The following SETDB2 variants were observed in gnomAD, a reference collection of about 807,000 sequenced individuals.
SETDB2 encodes histone-lysine N-methyltransferase SETDB2.
A neutral mutation model predicts 82.5 loss-of-function variants in SETDB2; 56 were observed. The observed-to-expected ratio is 0.68, with a 90% CI of 0.55 to 0.85. SETDB2 has a LOEUF of 0.85. SETDB2 is among the 40% of genes least tolerant of loss of function. The pLI, the probability that SETDB2 is intolerant of heterozygous loss-of-function variation, is 0.00. For synonymous variants in SETDB2, 272 were observed against 284.9 expected, an observed-to-expected ratio of 0.95 and a Z score of 0.46; for missense variants, 677 against 816.4, an observed-to-expected ratio of 0.83 and a Z score of 2.08.
intron 4 of SETDB2, among the ~76,000 whole-genome samples, chr13:49,466,811 CT>C (rs3039228): frequency 0.048 from 5,645 of 116,644 alleles, 159 homozygotes; most frequent in South Asian, 0.12. Flanking sequence ...GCCTGGCTAA[CT>C]TTTTTTTTTT....
intron 1 of SETDB2, among the ~76,000 whole-genome samples, chr13:49,448,648 T>C (rs1009488184): frequency 2.6e-5 from 4 of 152,206 alleles, no homozygotes; most frequent in African/African-American, 4.8e-5. Context: ...AACAGTCTTT[T>C]GGAATTTGTT....
At chr13:49,463,358 G>A (rs1272027211) in intron 4 of SETDB2, among the ~76,000 whole-genome samples, 1 of 152,116 alleles carries the variant, frequency 6.6e-6, no homozygotes, top group African/African-American at 2.4e-5. Flanking sequence ...AGGAGGACCA[G>A]AGAGACCTTC....
intron 2 of SETDB2, among the ~76,000 whole-genome samples, chr13:49,454,528 C>T (rs1233751124): frequency 6.6e-6 from 1 of 152,186 alleles, no homozygotes; most frequent in African/African-American, 2.4e-5. Flanking sequence ...TTTTTACAGA[C>T]TCCACTCATT....
In SETDB2 at chr13:49,459,901, A is replaced by G. The variant is rs533363923; in HGVS notation, c.17-206A>G. On this transcript the variant is annotated intron_variant, in intron 2 of 13. Transcript: ENST00000611815. ...ATTTTCAATATATATTTTAAAAATT[A>G]ACAGAAATGGGTAAGATACTTAGAT... 20 of 432,372 alleles carry G rather than the reference A, an allele frequency of 4.6e-5. 2 individuals carry two copies. In the South Asian group the frequency reaches 8.4e-4, roughly 18 times the overall value. 26.8% of individuals were successfully genotyped at this position (432,372 alleles called of 1,614,324 possible).
rs11619265 is a variant in SETDB2, at chr13:49,483,497, A to G, written c.1416A>G (p.Gln472=). Residue 472 remains glutamine (Q), a synonymous_variant, in exon 10 of 14, where the codon CAA becomes CAG. Coordinates refer to ENST00000611815, the MANE Select transcript of SETDB2 (RefSeq NM_001160308.3). The part of the protein sequence containing the change: ...ETKYDNISRI[Q]YHSVIRDPES... ...AATATGATAATATTTCAAGAATTCAATATCATTCAGTTATTAGAGATCCTG... is the reference window on the plus strand; with the variant it reads ...AATATGATAATATTTCAAGAATTCAGTATCATTCAGTTATTAGAGATCCTG... The G allele has an allele frequency of 0.53, 757,832 of 1,438,040 alleles. 203,048 individuals are homozygous for G. The highest frequency in any genetic ancestry group is 0.54 in the Non-Finnish European group (578,368 of 1,064,612). The allele number at this position is 1,438,040 out of a possible 1,614,324, so 89.1% of individuals were successfully genotyped here.
chr13:49,483,820 A>G (rs1195347152), intron 10 of SETDB2, among the ~76,000 whole-genome samples: 1 of 151,418 alleles, frequency 6.6e-6, no homozygotes, highest in Non-Finnish European at 1.5e-5. Flanking sequence ...GGGTCTCACT[A>G]TATTGCCCAG....
At chr13:49,448,815 T>C (rs1468696404) in intron 1 of SETDB2, among the ~76,000 whole-genome samples, 1 of 152,232 alleles carries the variant, frequency 6.6e-6, no homozygotes, top group Non-Finnish European at 1.5e-5. Context: ...TTACCCACTT[T>C]ATCTCAGTTC....
At chr13:49,460,278 C>G in intron 3 of SETDB2, 46 bp downstream of exon 3, 1 of 1,578,524 alleles carries the variant, frequency 6.3e-7, no homozygotes, top group Non-Finnish European at 8.6e-7. Context: ...CTAAATATTT[C>G]TCTCTGACAG....
At chr13:49,448,627 T>A (rs1297880418) in intron 1 of SETDB2, among the ~76,000 whole-genome samples, 3 of 152,202 alleles carry the variant, frequency 2.0e-5, no homozygotes, top group African/African-American at 7.2e-5. Context: ...TCAGTGACTA[T>A]GCTCTGTGTA....
In SETDB2 at chr13:49,485,192, G is replaced by A. The variant is rs1210716546; in HGVS notation, c.1483-438G>A. On this transcript the variant is annotated intron_variant, in intron 10 of 13. Coordinates refer to ENST00000611815, the MANE Select transcript of SETDB2 (RefSeq NM_001160308.3). ...ATCATTACTACTTAAAGTGACTGCAGTGTCTACAATGTGTAAGCATTATCA... is the reference window on the plus strand; with the variant it reads ...ATCATTACTACTTAAAGTGACTGCAATGTCTACAATGTGTAAGCATTATCA... Among the ~76,000 whole-genome samples, 4 of 152,338 alleles carry A rather than the reference G, an allele frequency of 2.6e-5. No individual in the cohort carries two copies. In the East Asian group the frequency reaches 7.7e-4, roughly 29 times the overall value.
chr13:49,484,373 G>T (rs1011250010), intron 10 of SETDB2, among the ~76,000 whole-genome samples: 1 of 152,144 alleles, frequency 6.6e-6, no homozygotes, highest in Non-Finnish European at 1.5e-5. Flanking sequence ...GGGTTCAAGC[G>T]ATTCCCCTGC....
chr13:49,462,878 C>T (rs964496625), intron 4 of SETDB2, among the ~76,000 whole-genome samples: 3 of 152,144 alleles, frequency 2.0e-5, no homozygotes, highest in African/African-American at 7.2e-5. Context: ...CTTCCTTTCA[C>T]AGTATCCTTC....
At chr13:49,473,852 G>C (rs555712164) in intron 5 of SETDB2, among the ~76,000 whole-genome samples, 59 of 152,248 alleles carry the variant, frequency 3.9e-4, no homozygotes, top group African/African-American at 1.3e-3. Context: ...CCAGAGTTCA[G>C]GTTATACCAT....
At chr13:49,482,586 G>T in intron 8 of SETDB2, 151 bp from the exon 9 acceptor site, 1 of 592,054 alleles carries the variant, frequency 1.7e-6, no homozygotes, top group Non-Finnish European at 2.8e-6. Context: ...ATTGGTCTTT[G>T]TCTTGCAACA....
At chr13:49,449,079 TG>T (rs1957742899) in intron 1 of SETDB2, among the ~76,000 whole-genome samples, 1 of 152,236 alleles carries the variant, frequency 6.6e-6, no homozygotes, top group Admixed American at 6.5e-5. Flanking sequence ...TGACATTTTG[TG>T]TAATTTAAGT....
rs1958377125 is a variant in SETDB2, at chr13:49,476,886, A to C, written c.716A>C (p.Glu239Ala). 1 of 1,614,084 alleles carries C rather than the reference A, an allele frequency of 6.2e-7. No individual in the cohort carries two copies. The highest frequency in any genetic ancestry group is 1.1e-5 in the South Asian group (1 of 91,086). Residue 239 changes from glutamate (E) to alanine (A), a missense_variant, in exon 6 of 14, where the codon GAA becomes GCA. Around this residue, in one of 3 missense-constraint regions of SETDB2, gnomAD observed 420 missense variants for 554.6 expected, o/e 0.76. Coordinates refer to ENST00000611815, the MANE Select transcript of SETDB2 (RefSeq NM_001160308.3). ...GATGTGGATATTAGCAATGGAGTGG[A>C]ATCAGTGCCCATTTCTTTCTGTAAT... ...VSDVDISNGV[E>A]SVPISFCNEI...
At chr13:49,467,760 G>A (rs1958146574) in intron 4 of SETDB2, 104 bp from the exon 5 acceptor site, 1 of 656,942 alleles carries the variant, frequency 1.5e-6, no homozygotes, top group African/African-American at 1.9e-5. Flanking sequence ...AAATTTTAGG[G>A]ATCCATATGG....
At chr13:49,450,644 G>T (rs1303789917) in intron 1 of SETDB2, among the ~76,000 whole-genome samples, 1 of 152,020 alleles carries the variant, frequency 6.6e-6, no homozygotes, top group Non-Finnish European at 1.5e-5. Context: ...GGGCCTTACT[G>T]ACTTGGCCCT....
At chr13:49,470,966 CTTTTT>C (rs55920370) in intron 5 of SETDB2, among the ~76,000 whole-genome samples, 1 of 80,486 alleles carries the variant, frequency 1.2e-5, no homozygotes, top group African/African-American at 5.9e-5. Flanking sequence ...TTCTTTCTTT[CTTTTT>C]TTTTTTTTTT....
Sources: gnomAD v4.1 joint callset for allele counts (sites outside exome capture counted in the v4.1 genomes callset) on GRCh38, gnomAD v4.1.1 for gene constraint, gnomAD v4.1.1 regional missense constraint, MANE v1.5 for transcripts, NCBI Gene and HGNC (gene_info 2026-07-23, HGNC 2026-07-21) for gene names.